Variants in OPHN1 observed in about 807,000 individuals in gnomAD.
OPHN1 encodes the protein oligophrenin-1.
A neutral mutation model predicts 60.7 loss-of-function variants in OPHN1; 11 were observed. The observed-to-expected ratio is 0.18, with a 90% CI of 0.11 to 0.30. The LOEUF (loss-of-function observed/expected upper bound fraction) is 0.30. Ranked by LOEUF, OPHN1 falls within the 10% of genes least tolerant of loss-of-function variation. The pLI, the probability that OPHN1 is intolerant of heterozygous loss-of-function variation, is 1.00. For synonymous variants in OPHN1, 226 were observed against 222.6 expected (o/e 1.02, Z -0.14); for missense variants, 449 against 611.0 (o/e 0.73, Z 2.80).
At chrX:68,223,123 G>A (rs995978341) in intron 6 of OPHN1, among the ~76,000 whole-genome samples, 1 of 111,212 alleles carries the variant, frequency 9.0e-6, no homozygotes, top group African/African-American at 3.3e-5. Context: ...ATGGAAAACA[G>A]TATAGAGATC....
intron 5 of OPHN1, among the ~76,000 whole-genome samples, chrX:68,256,974 G>T (rs1441301862): frequency 9.2e-6 from 1 of 109,242 alleles, no homozygotes; most frequent in Non-Finnish European, 1.9e-5. Flanking sequence ...GGAGGTTGCA[G>T]TGAGCTGAGA....
At chrX:68,265,888 C>T (rs1238711677) in intron 5 of OPHN1, among the ~76,000 whole-genome samples, 1 of 111,430 alleles carries the variant, frequency 9.0e-6, no homozygotes, top group Admixed American at 9.6e-5. Flanking sequence ...AATGCACAAG[C>T]CTCTGTAGCC....
intron 15 of OPHN1, among the ~76,000 whole-genome samples, chrX:68,129,286 ATGCATTAAACTT>A (rs1347729537): frequency 3.6e-5 from 4 of 111,357 alleles, no homozygotes; most frequent in Admixed American, 2.9e-4. Flanking sequence ...TTGGTAGGGT[ATGCATTAAACTT>A]TGCATCTCAA....
chrX:68,257,081 G>T (rs1323256154), intron 5 of OPHN1, among the ~76,000 whole-genome samples: 1 of 109,912 alleles, frequency 9.1e-6, no homozygotes, highest in Non-Finnish European at 1.9e-5. Flanking sequence ...TAATGCTATT[G>T]AACCTTTAAT....
chrX:68,313,352 G>A (rs1449317276), intron 2 of OPHN1, among the ~76,000 whole-genome samples: 2 of 108,907 alleles, frequency 1.8e-5, no homozygotes, highest in East Asian at 5.8e-4. Flanking sequence ...TCAGCATACC[G>A]AATAGATATC....
chrX:68,355,008 C>T (rs2078433350), intron 2 of OPHN1, among the ~76,000 whole-genome samples: 1 of 111,769 alleles, frequency 8.9e-6, no homozygotes, highest in African/African-American at 3.2e-5. Context: ...CAGGAAGGTG[C>T]CTATAACTCA....
intron 2 of OPHN1, among the ~76,000 whole-genome samples, chrX:68,379,344 C>A (rs779896995): frequency 2.7e-5 from 3 of 111,474 alleles, no homozygotes; most frequent in African/African-American, 9.8e-5. Context: ...GACAGTGCAG[C>A]TTTTTAGGTA....
Position 68,155,579 on chromosome X carries a change from C to T in OPHN1, c.1277-36247G>A, listed in dbSNP as rs181467984. 9.8e-5 allele frequency among the ~76,000 whole-genome samples: 11 copies of T among 112,220 alleles called. 1 individual carries two copies. The highest frequency in any genetic ancestry group is 8.4e-4 in the East Asian group (3 of 3,571). ...TTTTTCTTTACAAATTACCCAGTCTCGGGTAGTATCTTTACAGCAGTGTAA... is the reference window on the plus strand; with the variant it reads ...TTTTTCTTTACAAATTACCCAGTCTTGGGTAGTATCTTTACAGCAGTGTAA... On this transcript the variant is annotated intron_variant, in intron 15 of 24. Transcript: ENST00000355520.
intron 15 of OPHN1, among the ~76,000 whole-genome samples, chrX:68,172,666 T>C (rs925365640): frequency 9.0e-6 from 1 of 111,407 alleles, no homozygotes; most frequent in Non-Finnish European, 1.9e-5. Context: ...CATATACACC[T>C]TGATCCAGCA....
At chrX:68,294,839 C>T (rs1350896726) in intron 3 of OPHN1, among the ~76,000 whole-genome samples, 1 of 111,931 alleles carries the variant, frequency 8.9e-6, no homozygotes, top group Non-Finnish European at 1.9e-5. Flanking sequence ...ATATAAAGTG[C>T]TTACAATGAC....
intron 3 of OPHN1, among the ~76,000 whole-genome samples, chrX:68,294,473 C>CAAAA (rs570989143): frequency 1.4e-3 from 15 of 10,649 alleles, no homozygotes; most frequent in South Asian, 5.5e-3. Context: ...GACTCTATCA[C>CAAAA]AAAAAAAAAA....
intron 15 of OPHN1, among the ~76,000 whole-genome samples, chrX:68,172,289 C>A (rs2077395144): frequency 8.9e-6 from 1 of 111,799 alleles, no homozygotes; most frequent in Non-Finnish European, 1.9e-5. Context: ...GGAATGAATT[C>A]CTGATGCATG....
chrX:68,171,045 CTT>C (rs941027058), intron 15 of OPHN1, among the ~76,000 whole-genome samples: 1 of 110,801 alleles, frequency 9.0e-6, no homozygotes, highest in African/African-American at 3.3e-5. Context: ...AATGAACAGA[CTT>C]AGTATTTGCT....
At chrX:68,340,530 C>T (rs149770040) in intron 2 of OPHN1, among the ~76,000 whole-genome samples, 15 of 111,703 alleles carry the variant, frequency 1.3e-4, no homozygotes, top group Non-Finnish European at 2.6e-4. Flanking sequence ...TTGTACCTTA[C>T]CTCATACTAC....
At position 68,053,717 on chromosome X, in the gene OPHN1, G is replaced by A. The variant is rs759228742; in HGVS notation, c.2252C>T (p.Ala751Val). The part of the protein sequence containing the change: ...PVRPPDPPCR[A>V]ATPQKPEPKP... ...TGGTTCTGGCTTTTGGGGAGTAGCT[G>A]CCCGGCAGGGAGGATCTGGGGGCCT... The change falls in exon 22 of 25, where the codon GCA becomes GTA. Residue 751 changes from alanine to valine, a missense_variant. Around this residue, in one of 4 missense-constraint regions of OPHN1, gnomAD observed 184 missense variants for 160.5 expected, o/e 1.15. Transcript: ENST00000355520. The A allele has an allele frequency of 8.3e-7, 1 of 1,210,981 alleles. No homozygotes were observed. The highest frequency in any genetic ancestry group is 1.7e-5 in the African/African-American group (1 of 57,693).
intron 2 of OPHN1, among the ~76,000 whole-genome samples, chrX:68,336,673 A>T (rs755296857): frequency 6.7e-5 from 7 of 104,971 alleles, no homozygotes; most frequent in Non-Finnish European, 1.4e-4. Flanking sequence ...TGTGTGTGAG[A>T]GTGTGTGTGT....
chrX:68,108,308 C>T (rs1338398836), intron 18 of OPHN1, among the ~76,000 whole-genome samples: 1 of 111,674 alleles, frequency 9.0e-6, no homozygotes, highest in Non-Finnish European at 1.9e-5. Flanking sequence ...ACCCCTGATT[C>T]CTTTGAAAAG....
At chrX:68,253,356 A>G in intron 5 of OPHN1, among the ~76,000 whole-genome samples, 1 of 111,818 alleles carries the variant, frequency 8.9e-6, no homozygotes, top group Non-Finnish European at 1.9e-5. Flanking sequence ...AGGTTATCTC[A>G]GCATAATTTG....
intron 2 of OPHN1, among the ~76,000 whole-genome samples, chrX:68,335,899 T>C (rs1392965936): frequency 9.0e-6 from 1 of 111,471 alleles, no homozygotes; most frequent in African/African-American, 3.3e-5. Context: ...CTCTGCACTT[T>C]AGCTTGGGCA....
Sources: gnomAD v4.1 joint callset for allele counts (sites outside exome capture counted in the v4.1 genomes callset) on GRCh38, gnomAD v4.1.1 for gene constraint, gnomAD v4.1.1 regional missense constraint, MANE v1.5 for transcripts, NCBI Gene and HGNC (gene_info 2026-07-23, HGNC 2026-07-21) for gene names.